Variants in RFC3 observed in about 807,000 individuals in gnomAD.
The protein encoded by RFC3 is replication factor C subunit 3.
Under a neutral mutation model 45.1 loss-of-function variants are expected in RFC3, and 41 were observed. The observed-to-expected ratio is 0.91, with a 90% CI of 0.71 to 1.18. The LOEUF is 1.18. RFC3 is among the 50% of genes most tolerant of loss of function. The probability of loss-of-function intolerance (pLI) is 0.00; values close to 1 mark genes in which losing one functional copy is unlikely to be tolerated. For missense variants in RFC3, 423 were observed against 428.1 expected (o/e 0.99, Z 0.10); for synonymous variants, 149 against 144.0 (o/e 1.03, Z -0.25).
chr13:33,876,782 A>G (rs1214406209), intron 8 of RFC3, among the ~76,000 whole-genome samples: 3 of 152,180 alleles, frequency 2.0e-5, no homozygotes, highest in Non-Finnish European at 4.4e-5. Flanking sequence ...CAGCATTGGG[A>G]AGTCGATTTT....
intron 8 of RFC3, among the ~76,000 whole-genome samples, chr13:33,912,820 A>C (rs1326211396): frequency 1.3e-5 from 2 of 152,146 alleles, no homozygotes; most frequent in African/African-American, 4.8e-5. Flanking sequence ...GAGTGGGTGC[A>C]GGAATATCAG....
At chr13:33,858,960 C>T (rs1046002877) in intron 8 of RFC3, among the ~76,000 whole-genome samples, 1 of 152,170 alleles carries the variant, frequency 6.6e-6, no homozygotes, top group African/African-American at 2.4e-5. Flanking sequence ...TATACACATC[C>T]TCAAATGCTG....
chr13:33,829,643 G>A, intron 4 of RFC3, 193 bp from the exon 5 acceptor site: 1 of 597,136 alleles, frequency 1.7e-6, no homozygotes. Context: ...AAGAGAAACT[G>A]GAGTATGATT....
intron 8 of RFC3, among the ~76,000 whole-genome samples, chr13:33,935,062 G>A (rs1427213607): frequency 6.6e-6 from 1 of 151,994 alleles, no homozygotes; most frequent in Non-Finnish European, 1.5e-5. Context: ...CCAGATAACT[G>A]GATCATGTCA....
At chr13:33,972,558 C>T in the RFC3 span, among the ~76,000 whole-genome samples, 1 of 152,148 alleles carries the variant, frequency 6.6e-6, no homozygotes, top group Admixed American at 6.6e-5. Context: ...CTTTTCATTT[C>T]TACTTGGGTC....
chr13:33,880,276 T>G (rs1041925991), intron 8 of RFC3, among the ~76,000 whole-genome samples: 7 of 152,246 alleles, frequency 4.6e-5, no homozygotes, highest in African/African-American at 1.7e-4. Context: ...AGGATTCTAA[T>G]ATAGTCAAAT....
chr13:33,959,615 G>T (rs935440717), intron 8 of RFC3, among the ~76,000 whole-genome samples: 1 of 152,114 alleles, frequency 6.6e-6, no homozygotes, highest in Non-Finnish European at 1.5e-5. Context: ...AGGCCCAGTT[G>T]TACTTATTTA....
chr13:33,827,621 C>T (rs1427108254), intron 4 of RFC3, among the ~76,000 whole-genome samples: 3 of 151,986 alleles, frequency 2.0e-5, no homozygotes, highest in African/African-American at 7.3e-5. Flanking sequence ...AATATTTTAC[C>T]ACCCAATTAC....
chr13:33,958,204 T>C (rs2083033859), intron 8 of RFC3, among the ~76,000 whole-genome samples: 1 of 152,186 alleles, frequency 6.6e-6, no homozygotes, highest in Admixed American at 6.5e-5. Flanking sequence ...ATGAAGAAGT[T>C]TCTGCTGGAA....
intron 8 of RFC3, among the ~76,000 whole-genome samples, chr13:33,893,792 A>G (rs2082578675): frequency 6.6e-6 from 1 of 152,090 alleles, no homozygotes; most frequent in South Asian, 2.1e-4. Context: ...AGAAAGAATC[A>G]GTCACCTCAA....
intron 8 of RFC3, among the ~76,000 whole-genome samples, chr13:33,936,531 G>GA (rs2082887483): frequency 6.6e-6 from 1 of 152,026 alleles, no homozygotes; most frequent in African/African-American, 2.4e-5. Context: ...CAATATGACT[G>GA]AAAAAAGGGG....
At chr13:33,957,627 T>G (rs757066829) in intron 8 of RFC3, among the ~76,000 whole-genome samples, 1 of 152,188 alleles carries the variant, frequency 6.6e-6, no homozygotes, top group African/African-American at 2.4e-5. Flanking sequence ...GAAAGCCAAG[T>G]ACATAACTGT....
chr13:33,890,709 A>G (rs1268327163), intron 8 of RFC3, among the ~76,000 whole-genome samples: 2 of 152,136 alleles, frequency 1.3e-5, no homozygotes, highest in African/African-American at 4.8e-5. Flanking sequence ...AAGATAGGTA[A>G]TCTTATTGAT....
At chr13:33,868,435 A>C (rs1406457798) in intron 8 of RFC3, among the ~76,000 whole-genome samples, 10 of 16,636 alleles carry the variant, frequency 6.0e-4, no homozygotes, top group African/African-American at 6.9e-4. Flanking sequence ...AGAGGCTACT[A>C]ACTTTGCACC....
chr13:33,869,313 A>G (rs1298150534), intron 8 of RFC3, among the ~76,000 whole-genome samples: 1 of 152,114 alleles, frequency 6.6e-6, no homozygotes, highest in Non-Finnish European at 1.5e-5. Flanking sequence ...CCTTTACAAG[A>G]CTGATTCATG....
chr13:33,940,856 A>C (rs1293715232), intron 8 of RFC3, among the ~76,000 whole-genome samples: 2 of 152,166 alleles, frequency 1.3e-5, no homozygotes, highest in Non-Finnish European at 2.9e-5. Context: ...TTACGTTATG[A>C]ACTCTGTAGC....
intron 8 of RFC3, among the ~76,000 whole-genome samples, chr13:33,930,499 G>A (rs551201075): frequency 6.6e-6 from 1 of 152,122 alleles, no homozygotes; most frequent in Non-Finnish European, 1.5e-5. Flanking sequence ...CTTTATACTA[G>A]CCAGGCTGGC....
At chr13:33,918,742 A>G (rs1051232900) in intron 8 of RFC3, among the ~76,000 whole-genome samples, 1 of 152,066 alleles carries the variant, frequency 6.6e-6, no homozygotes, top group East Asian at 1.9e-4. Context: ...ACATCCCATT[A>G]CTCTGGAGCT....
intron 8 of RFC3, among the ~76,000 whole-genome samples, chr13:33,887,118 A>T (rs1364616791): frequency 6.9e-6 from 1 of 145,562 alleles, no homozygotes; most frequent in Non-Finnish European, 1.5e-5. Context: ...TCTTTATAGC[A>T]GCATGATTTA....
Sources: gnomAD v4.1 joint callset for allele counts (sites outside exome capture counted in the v4.1 genomes callset) on GRCh38, gnomAD v4.1.1 for gene constraint, MANE v1.5 for transcripts, NCBI Gene and HGNC (gene_info 2026-07-23, HGNC 2026-07-21) for gene names.